PCDH15: variants seen among roughly 807,000 people sequenced by gnomAD.
PCDH15 encodes protocadherin-15.
Under a neutral mutation model 178.5 loss-of-function variants are expected in PCDH15, and 129 were observed. The ratio of observed to expected loss-of-function variants is 0.72; its 90% CI spans 0.63 to 0.84. The LOEUF (loss-of-function observed/expected upper bound fraction) is 0.84, where lower values mean the gene tolerates loss of function less well. Among genes scored for constraint, PCDH15 ranks in the 40% least tolerant of loss-of-function variants. The probability of loss-of-function intolerance (pLI) is 0.00; values close to 1 mark genes in which losing one functional copy is unlikely to be tolerated. For synonymous variants in PCDH15, 800 were observed against 732.0 expected (o/e 1.09, Z -1.50); for missense variants, 2,230 against 2,099.9 (o/e 1.06, Z -1.21).
chr10:55,460,441 G>A (rs1839650384), intron 2 of PCDH15, among the ~76,000 whole-genome samples: 1 of 151,840 alleles, frequency 6.6e-6, no homozygotes, highest in African/African-American at 2.4e-5. Flanking sequence ...CATTTTGGGT[G>A]GGTTCTACTG....
intron 2 of PCDH15, among the ~76,000 whole-genome samples, chr10:55,524,059 CT>C (rs35312025): frequency 0.021 from 3,114 of 144,862 alleles, 105 homozygotes; most frequent in African/African-American, 0.07. Flanking sequence ...ATGTAAAAAC[CT>C]TTTTTTTTTT....
In PCDH15 at chr10:54,429,677, G is replaced by T. The variant is rs113531923; in HGVS notation, c.158-50735C>A. 8.0e-3 allele frequency among the ~76,000 whole-genome samples: 1,222 copies of T among 152,204 alleles called. 17 individuals carry two copies. Among genetic ancestry groups the T allele is most frequent in the African/African-American group, 0.028 (1,153 of 41,536 alleles). On this transcript the variant is annotated intron_variant, in intron 3 of 37. Transcript: ENST00000644397. The stretch of plus-strand genomic sequence containing the variant: ...CCAATAAAAACCAACGAAAGAGCAG[G>T]AGTATCTATACTCATATAAGACAAA...
intron 8 of PCDH15, among the ~76,000 whole-genome samples, chr10:54,271,487 ACAGGCG>A: frequency 6.6e-6 from 1 of 152,298 alleles, no homozygotes; most frequent in South Asian, 2.1e-4. Flanking sequence ...TGCTGGGATT[ACAGGCG>A]TGAGCCACTG....
intron 2 of PCDH15, among the ~76,000 whole-genome samples, chr10:55,536,576 C>T (rs138758464): frequency 1.0e-3 from 156 of 152,198 alleles, no homozygotes; most frequent in African/African-American, 3.5e-3. Context: ...AGAAGACATA[C>T]GCATACAAGC....
chr10:54,709,172 T>A (rs1213293980), intron 1 of PCDH15, among the ~76,000 whole-genome samples: 1 of 152,140 alleles, frequency 6.6e-6, no homozygotes, highest in Non-Finnish European at 1.5e-5. Context: ...CTCCCTCTGA[T>A]AAGAAATCAG....
intron 3 of PCDH15, among the ~76,000 whole-genome samples, chr10:54,439,245 CTTAAAG>C (rs937696758): frequency 3.3e-5 from 5 of 151,764 alleles, no homozygotes; most frequent in South Asian, 2.1e-4. Context: ...GCTAAATAAA[CTTAAAG>C]TTTAAGAAAG....
intron 1 of PCDH15, among the ~76,000 whole-genome samples, chr10:54,738,116 G>A (rs1208531122): frequency 6.6e-6 from 1 of 152,082 alleles, no homozygotes; most frequent in Non-Finnish European, 1.5e-5. Flanking sequence ...AGACTGTTAT[G>A]AGGATGATGC....
rs1242459383 is a variant in PCDH15, at chr10:54,957,610, G to A, written c.-79-60110C>T. 2.6e-5 allele frequency among the ~76,000 whole-genome samples: 4 copies of A among 151,532 alleles called. 1 individual carries two copies. The highest frequency in any genetic ancestry group is 4.4e-5 in the Non-Finnish European group (3 of 67,632). On this transcript the variant is annotated intron_variant, in intron 2 of 5. Transcript: ENST00000458638. ...AAAGAAATACCGTAACTATAATACA[G>A]AGATCAAGCAGAATGGTACTGGGGT...
chr10:54,432,762 A>G (rs1957109307), intron 3 of PCDH15, among the ~76,000 whole-genome samples: 1 of 152,218 alleles, frequency 6.6e-6, no homozygotes, highest in African/African-American at 2.4e-5. Flanking sequence ...TGCACAGCAA[A>G]GGAAAAAATC....
intron 1 of PCDH15, among the ~76,000 whole-genome samples, chr10:55,260,967 G>A (rs1323709528): frequency 1.3e-5 from 2 of 151,782 alleles, no homozygotes; most frequent in Admixed American, 1.3e-4. Context: ...AAATCCTTTG[G>A]GCTTGTTAGC....
At chr10:55,428,545 ATTCT>A (rs1838810662) in intron 2 of PCDH15, among the ~76,000 whole-genome samples, 1 of 151,762 alleles carries the variant, frequency 6.6e-6, no homozygotes, top group Non-Finnish European at 1.5e-5. Flanking sequence ...GTATATATAA[ATTCT>A]TTCTCTATAT....
chr10:53,979,599 G>A (rs1054010820), intron 21 of PCDH15, among the ~76,000 whole-genome samples: 6 of 152,190 alleles, frequency 3.9e-5, no homozygotes, highest in African/African-American at 1.4e-4. Context: ...CGTCTCTCAA[G>A]ATGGTGGACA....
intron 1 of PCDH15, among the ~76,000 whole-genome samples, chr10:55,295,584 A>G (rs2132272578): frequency 6.6e-6 from 1 of 152,356 alleles, no homozygotes; most frequent in Non-Finnish European, 1.5e-5. Flanking sequence ...TTACCTAAAC[A>G]TATTCTGGGA....
chr10:54,968,725 T>C (rs906489667), intron 2 of PCDH15, among the ~76,000 whole-genome samples: 7 of 152,170 alleles, frequency 4.6e-5, no homozygotes. Context: ...ATACTTTCCC[T>C]TCCTCTTTCA....
At chr10:54,731,473 A>G (rs1191561059) in intron 1 of PCDH15, among the ~76,000 whole-genome samples, 1 of 148,096 alleles carries the variant, frequency 6.8e-6, no homozygotes, top group Non-Finnish European at 1.5e-5. Flanking sequence ...TGTTTATTGC[A>G]GCACTATTTG....
chr10:54,512,514 G>T (rs974193705), intron 3 of PCDH15, among the ~76,000 whole-genome samples: 1 of 151,506 alleles, frequency 6.6e-6, no homozygotes, highest in Non-Finnish European at 1.5e-5. Context: ...ATGAAGAAAG[G>T]GTTATCAAAA....
chr10:55,104,605 A>C (rs1335075412), intron 2 of PCDH15, among the ~76,000 whole-genome samples: 1 of 152,210 alleles, frequency 6.6e-6, no homozygotes, highest in East Asian at 1.9e-4. Flanking sequence ...GTGTAGCTGC[A>C]GTGATGACTT....
intron 2 of PCDH15, among the ~76,000 whole-genome samples, chr10:55,137,259 G>A (rs139358682): frequency 6.6e-6 from 1 of 152,118 alleles, no homozygotes; most frequent in Non-Finnish European, 1.5e-5. Context: ...TGCCATATTT[G>A]CCATATTTTT....
At chr10:55,462,036 GT>G (rs1239464689) in intron 2 of PCDH15, among the ~76,000 whole-genome samples, 1 of 151,908 alleles carries the variant, frequency 6.6e-6, no homozygotes, top group Non-Finnish European at 1.5e-5. Flanking sequence ...GTTTTGTGGG[GT>G]TTTTTTACAA....
Sources: allele counts gnomAD v4.1 joint callset (sites outside exome capture counted in the v4.1 genomes callset), GRCh38; gene constraint gnomAD v4.1.1; transcripts MANE v1.5; gene names NCBI Gene and HGNC (gene_info 2026-07-23, HGNC 2026-07-21).